The following CLEC9A variants were observed in gnomAD, a reference collection of about 807,000 sequenced individuals.
CLEC9A encodes the protein C-type lectin domain containing 9A, also known as C-type lectin domain family 9 member A.
A neutral mutation model predicts 30.0 loss-of-function variants in CLEC9A; 24 were observed. The ratio of observed to expected loss-of-function variants is 0.80; its 90% CI spans 0.58 to 1.13. CLEC9A has a LOEUF of 1.13. CLEC9A is among the 50% of genes most tolerant of loss of function. The pLI is 0.00. For synonymous variants in CLEC9A, 111 were observed against 96.8 expected (o/e 1.15, Z -0.86); for missense variants, 251 against 280.9 (o/e 0.89, Z 0.76).
intron 2 of CLEC9A, among the ~76,000 whole-genome samples, chr12:10,049,470 T>C (rs1260700635): frequency 6.6e-6 from 1 of 152,252 alleles, no homozygotes; most frequent in Non-Finnish European, 1.5e-5. Context: ...AGCTGTTTCA[T>C]CTACACTAAA....
At chr12:10,055,379 C>A (rs1365212590) in intron 5 of CLEC9A, among the ~76,000 whole-genome samples, 1 of 152,166 alleles carries the variant, frequency 6.6e-6, no homozygotes, top group African/African-American at 2.4e-5. Context: ...ATCTAATAAT[C>A]CACCTTCTTC....
chr12:10,039,188 G>A (rs1448430776), intron 1 of CLEC9A, among the ~76,000 whole-genome samples: 1 of 152,172 alleles, frequency 6.6e-6, no homozygotes, highest in African/African-American at 2.4e-5. Flanking sequence ...GCATGGGGAT[G>A]GTTGTCGGGC....
At chr12:10,055,234 TTCTCTATCTAC>T (rs1199617504) in intron 5 of CLEC9A, among the ~76,000 whole-genome samples, 1 of 152,244 alleles carries the variant, frequency 6.6e-6, no homozygotes, top group East Asian at 1.9e-4. Context: ...AGCTTTCTTT[TTCTCTATCTAC>T]TCTCTTTGGG....
At chr12:10,044,155 C>T (rs1343801776) in intron 2 of CLEC9A, among the ~76,000 whole-genome samples, 1 of 152,150 alleles carries the variant, frequency 6.6e-6, no homozygotes, top group Non-Finnish European at 1.5e-5. Flanking sequence ...TAGTGAAGCT[C>T]TATCCTTCTA....
chr12:10,060,070 G>T (rs1865983006), intron 5 of CLEC9A, among the ~76,000 whole-genome samples: 2 of 152,354 alleles, frequency 1.3e-5, no homozygotes, highest in Admixed American at 6.5e-5. Context: ...TTGTCAAGCT[G>T]CAGAGAAAGC....
chr12:10,062,092 T>C lies in CLEC9A; in HGVS notation c.319+819T>C, dbSNP rs974587968. ...ATCAACCTTGAATAGAATAACAATATCCATTTTGGAGACGTACAAGTCCAA... is the reference window on the plus strand; with the variant it reads ...ATCAACCTTGAATAGAATAACAATACCCATTTTGGAGACGTACAAGTCCAA... On this transcript the variant is annotated intron_variant, in intron 6 of 8. Coordinates refer to ENST00000355819, the MANE Select transcript of CLEC9A (RefSeq NM_207345.4). 3.9e-5 allele frequency among the ~76,000 whole-genome samples: 6 copies of C among 152,284 alleles called. No homozygotes were observed. In the East Asian group the frequency reaches 1.2e-3, roughly 29 times the overall value.
At position 10,038,209 on chromosome 12, in the gene CLEC9A, T is replaced by G. The variant is rs144463074; in HGVS notation, c.-317-3257T>G. Among the ~76,000 whole-genome samples, 363 of 152,366 alleles carry G rather than the reference T, an allele frequency of 2.4e-3. 5 individuals carry two copies. Among genetic ancestry groups the G allele is most frequent in the African/African-American group, 8.1e-3 (336 of 41,592 alleles). ...TTTCTTGGAAATGAGCTTTTATTAT[T>G]AAGAATTGGTTTTTGGTAAAAATAT... On this transcript the variant is annotated intron_variant, in intron 1 of 8. Coordinates refer to ENST00000355819, the MANE Select transcript of CLEC9A (RefSeq NM_207345.4).
chr12:10,043,750 T>G (rs1275612225), intron 2 of CLEC9A, among the ~76,000 whole-genome samples: 1 of 151,924 alleles, frequency 6.6e-6, no homozygotes, highest in Non-Finnish European at 1.5e-5. Context: ...GGTGCGATCT[T>G]GGCTCAATGC....
chr12:10,056,473 A>T (rs1865944943), intron 5 of CLEC9A, among the ~76,000 whole-genome samples: 1 of 152,190 alleles, frequency 6.6e-6, no homozygotes, highest in Non-Finnish European at 1.5e-5. Context: ...TACCCCAAAC[A>T]TCAGCATCAT....
intron 4 of CLEC9A, among the ~76,000 whole-genome samples, chr12:10,053,872 A>G (rs1342958733): frequency 6.6e-6 from 1 of 152,176 alleles, no homozygotes; most frequent in East Asian, 1.9e-4. Flanking sequence ...TGTTCAAGTA[A>G]CACTGAAGAG....
intron 1 of CLEC9A, among the ~76,000 whole-genome samples, chr12:10,035,357 A>G (rs1865735500): frequency 6.6e-6 from 1 of 152,194 alleles, no homozygotes; most frequent in Non-Finnish European, 1.5e-5. Flanking sequence ...AGCCCTCGCC[A>G]GGGATCCGCC....
At chr12:10,049,711 A>G (rs1865877043) in intron 2 of CLEC9A, among the ~76,000 whole-genome samples, 1 of 152,188 alleles carries the variant, frequency 6.6e-6, no homozygotes, top group Non-Finnish European at 1.5e-5. Context: ...TTTGCTCTGA[A>G]TTAGGCTTTG....
rs1177367528 is a variant in CLEC9A at position 10,061,046 on chromosome 12, A to C, written c.173-81A>C. ...AGTCTCAAAAATAATAGTAATTTGT[A>C]CTTGTCTTTAGTCTGTGTTGAAGGA... On this transcript the variant is annotated intron_variant, in intron 5 of 8. Transcript: ENST00000355819. 38 of 1,455,310 alleles carry C rather than the reference A, an allele frequency of 2.6e-5. No individual in the cohort carries two copies. In the Admixed American group the frequency reaches 9.9e-4, roughly 38 times the overall value. 90.1% of individuals were successfully genotyped at this position (1,455,310 alleles called of 1,614,324 possible).
chr12:10,038,942 A>G (rs565103659), intron 1 of CLEC9A, among the ~76,000 whole-genome samples: 35 of 152,342 alleles, frequency 2.3e-4, no homozygotes, highest in African/African-American at 7.5e-4. Context: ...GATGTGTGGT[A>G]TGGGGGTGGG....
intron 1 of CLEC9A, among the ~76,000 whole-genome samples, chr12:10,037,044 A>G (rs1013484066): frequency 3.3e-5 from 5 of 152,210 alleles, no homozygotes; most frequent in African/African-American, 1.2e-4. Flanking sequence ...CCTTGTAAAT[A>G]AAGACTCAGA....
At chr12:10,043,531 C>G (rs1865815804) in intron 2 of CLEC9A, among the ~76,000 whole-genome samples, 1 of 151,990 alleles carries the variant, frequency 6.6e-6, no homozygotes, top group Non-Finnish European at 1.5e-5. Flanking sequence ...CATTCTTAAA[C>G]TCTTTATCTA....
intron 7 of CLEC9A, among the ~76,000 whole-genome samples, chr12:10,063,597 A>G (rs1866016001): frequency 6.6e-6 from 1 of 152,258 alleles, no homozygotes; most frequent in Admixed American, 6.5e-5. Context: ...TAATCTTGTA[A>G]TTATCAAGAA....
chr12:10,044,166 C>T (rs1865824291), intron 2 of CLEC9A, among the ~76,000 whole-genome samples: 1 of 152,164 alleles, frequency 6.6e-6, no homozygotes, highest in African/African-American at 2.4e-5. Flanking sequence ...TATCCTTCTA[C>T]ACATGATGCA....
chr12:10,061,553 A>C (rs901832781), intron 6 of CLEC9A, among the ~76,000 whole-genome samples: 2 of 152,062 alleles, frequency 1.3e-5, no homozygotes, highest in African/African-American at 2.4e-5. Context: ...TACATGCACA[A>C]AAAAAAATCG....
Sources: allele counts gnomAD v4.1 joint callset (sites outside exome capture counted in the v4.1 genomes callset), GRCh38; gene constraint gnomAD v4.1.1; transcripts MANE v1.5; gene names NCBI Gene and HGNC (gene_info 2026-07-23, HGNC 2026-07-21).